The following UBAC2 variants were observed in gnomAD, a reference collection of about 807,000 sequenced individuals.
The protein encoded by UBAC2 is UBA domain containing 2, also known as ubiquitin-associated domain-containing protein 2.
In UBAC2, 26 loss-of-function variants were observed where a neutral mutation model predicts 44.0. The observed-to-expected ratio is 0.59, with a 90% CI of 0.43 to 0.82. UBAC2 has a LOEUF of 0.82. Ranked by LOEUF, UBAC2 falls within the 40% of genes least tolerant of loss-of-function variation. The pLI, the probability that UBAC2 is intolerant of heterozygous loss-of-function variation, is 0.00. For synonymous variants in UBAC2, 155 were observed against 154.3 expected, an observed-to-expected ratio of 1.00 and a Z score of -0.04; for missense variants, 329 against 419.4, an observed-to-expected ratio of 0.78 and a Z score of 1.88.
At chr13:99,370,359 A>G (rs1457616074) in intron 8 of UBAC2, among the ~76,000 whole-genome samples, 1 of 152,240 alleles carries the variant, frequency 6.6e-6, no homozygotes, top group Non-Finnish European at 1.5e-5. Context: ...GGAGGAATCA[A>G]GAGTTCCAGG....
chr13:99,240,919 CAGGTTGTATGACTTTA>C, intron 2 of UBAC2, among the ~76,000 whole-genome samples: 1 of 152,172 alleles, frequency 6.6e-6, no homozygotes, highest in East Asian at 1.9e-4. Flanking sequence ...GGCAAGAGCA[CAGGTTGTATGACTTTA>C]CAAACTTTAG....
At chr13:99,320,305 G>A (rs1481120897) in intron 6 of UBAC2, among the ~76,000 whole-genome samples, 2 of 151,924 alleles carry the variant, frequency 1.3e-5, no homozygotes. Flanking sequence ...ACAGGTAGTG[G>A]GGTACCTGTT....
intron 4 of UBAC2, among the ~76,000 whole-genome samples, chr13:99,249,441 C>G (rs1204341872): frequency 6.6e-6 from 1 of 152,150 alleles, no homozygotes; most frequent in Non-Finnish European, 1.5e-5. Context: ...CAGTCCATTG[C>G]TGATGGGCAC....
chr13:99,250,516 T>C (rs1358155946), intron 4 of UBAC2, among the ~76,000 whole-genome samples: 1 of 152,208 alleles, frequency 6.6e-6, no homozygotes, highest in Non-Finnish European at 1.5e-5. Context: ...TTTTTCCTTT[T>C]CTTTTTTTTC....
In UBAC2 at chr13:99,305,304, A is replaced by G. The variant is rs187723307; in HGVS notation, c.390-8793A>G. Among the ~76,000 whole-genome samples the G allele has an allele frequency of 4.0e-3, 616 of 152,230 alleles. 6 individuals carry two copies. Among genetic ancestry groups the G allele is most frequent in the African/African-American group, 0.014 (583 of 41,550 alleles). ...AGAGGATTCTCACATGTGTTATCTC[A>G]TTTTATACAATGCCCAGACTTCTTG... On this transcript the variant is annotated intron_variant, in intron 4 of 8. Transcript: ENST00000403766.
At chr13:99,383,650 G>A (rs557473081) in intron 8 of UBAC2, among the ~76,000 whole-genome samples, 1 of 152,372 alleles carries the variant, frequency 6.6e-6, no homozygotes, top group African/African-American at 2.4e-5. Flanking sequence ...CCGTGCTAAG[G>A]GTTGAAAGCA....
At chr13:99,346,266 G>A (rs147049039) in intron 7 of UBAC2, among the ~76,000 whole-genome samples, 35 of 152,090 alleles carry the variant, frequency 2.3e-4, no homozygotes, top group Non-Finnish European at 1.9e-4. Flanking sequence ...GGCCACCGGC[G>A]CCATTTGCCT....
Position 99,385,295 on chromosome 13 carries a change from A to G in UBAC2, c.995A>G (p.Asn332Ser), listed in dbSNP as rs1303520353. 7 of 1,614,148 alleles carry G rather than the reference A, an allele frequency of 4.3e-6. No individual in the cohort carries two copies. The highest frequency in any genetic ancestry group is 4.5e-5 in the East Asian group (2 of 44,878). ...TTGGAAGCCCTGAGAGCTTCAAACA[A>G]TGACCTCAATGTCGCCACCAACTTC... ...DALEALRASN[N>S]DLNVATNFLL... is the part of the protein sequence containing the mutation. Residue 332 changes from asparagine (N) to serine (S), a missense_variant, in exon 9 of 9, where the codon AAT becomes AGT. By Grantham distance (46) the Asn-to-Ser change is conservative. Coordinates refer to ENST00000403766, the MANE Select transcript of UBAC2 (RefSeq NM_001144072.2).
At chr13:99,301,338 A>G (rs2044253981) in intron 4 of UBAC2, among the ~76,000 whole-genome samples, 1 of 152,208 alleles carries the variant, frequency 6.6e-6, no homozygotes, top group Non-Finnish European at 1.5e-5. Context: ...GAAGCCATCT[A>G]TGCCATTCTC....
At chr13:99,358,740 G>A (rs2045224354) in intron 7 of UBAC2, among the ~76,000 whole-genome samples, 1 of 152,134 alleles carries the variant, frequency 6.6e-6, no homozygotes, top group South Asian at 2.1e-4. Context: ...AGTGGCGGGG[G>A]AGTTCCAGTG....
In UBAC2 at chr13:99,297,699, A is replaced by G. The variant is rs571438886; in HGVS notation, c.390-16398A>G. Among the ~76,000 whole-genome samples, 16 of 152,288 alleles carry G rather than the reference A, an allele frequency of 1.1e-4. No homozygotes were observed. The South Asian group carries it at 2.9e-3, about 28-fold the overall frequency. Reference sequence around the variant, plus strand: ...CCAGAAAAGAGACAATGGGAAAAAAACAAAGAATGAGGATGGTAAGTAGAA... The same window carrying G: ...CCAGAAAAGAGACAATGGGAAAAAAGCAAAGAATGAGGATGGTAAGTAGAA... On this transcript the variant is annotated intron_variant, in intron 4 of 8. Transcript: ENST00000403766.
At chr13:99,371,762 G>C (rs557923501) in intron 8 of UBAC2, among the ~76,000 whole-genome samples, 2 of 152,206 alleles carry the variant, frequency 1.3e-5, no homozygotes, top group East Asian at 3.9e-4. Context: ...AGTTTTTTCT[G>C]CTGTAAACAG....
At chr13:99,315,083 C>T (rs2044470232) in intron 5 of UBAC2, among the ~76,000 whole-genome samples, 1 of 152,174 alleles carries the variant, frequency 6.6e-6, no homozygotes, top group African/African-American at 2.4e-5. Flanking sequence ...CCTCTCACTT[C>T]TCCAGTCTGC....
intron 4 of UBAC2, among the ~76,000 whole-genome samples, chr13:99,260,755 A>G (rs1034700786): frequency 2.6e-5 from 4 of 152,122 alleles, no homozygotes; most frequent in Non-Finnish European, 5.9e-5. Context: ...TTCAGGGACC[A>G]TTCATGCAGC....
chr13:99,284,082 A>G (rs1019483463), intron 4 of UBAC2, among the ~76,000 whole-genome samples: 3 of 152,246 alleles, frequency 2.0e-5, no homozygotes, highest in Admixed American at 6.5e-5. Flanking sequence ...TGGTCACTAT[A>G]GCAGGAAGCA....
At chr13:99,263,716 A>G (rs2138649346) in intron 4 of UBAC2, among the ~76,000 whole-genome samples, 1 of 152,306 alleles carries the variant, frequency 6.6e-6, no homozygotes, top group South Asian at 2.1e-4. Context: ...ATTTACAACA[A>G]CTCCAAATTA....
chr13:99,236,848 T>G (rs1174646699), intron 1 of UBAC2, among the ~76,000 whole-genome samples: 1 of 151,778 alleles, frequency 6.6e-6, no homozygotes, highest in African/African-American at 2.4e-5. Flanking sequence ...AAACTCTGTC[T>G]CAAAAACGGC....
intron 7 of UBAC2, among the ~76,000 whole-genome samples, chr13:99,364,152 T>G (rs1433856129): frequency 7.4e-6 from 1 of 135,780 alleles, no homozygotes; most frequent in Non-Finnish European, 1.7e-5. Context: ...TGGGTTTGGT[T>G]TTTGTTCTCA....
chr13:99,208,592 C>G (rs1013626325), intron 1 of UBAC2, among the ~76,000 whole-genome samples: 5 of 152,196 alleles, frequency 3.3e-5, no homozygotes, highest in African/African-American at 1.2e-4. Context: ...AGACTTTCCC[C>G]CCTTTTTTTC....
Sources: allele counts gnomAD v4.1 joint callset (sites outside exome capture counted in the v4.1 genomes callset), GRCh38; gene constraint gnomAD v4.1.1; transcripts MANE v1.5; gene names NCBI Gene and HGNC (gene_info 2026-07-23, HGNC 2026-07-21).